Variants in TYR observed in about 807,000 individuals in gnomAD.
TYR encodes tyrosinase, also known as LB24-AB.
Under a neutral mutation model 51.5 loss-of-function variants are expected in TYR, and 58 were observed. The observed-to-expected ratio is 1.13, with a 90% confidence interval of 0.91 to 1.40. TYR has a LOEUF of 1.40. TYR is among the 40% of genes most tolerant of loss of function. The pLI, the probability that TYR is intolerant of heterozygous loss-of-function variation, is 0.00. For missense variants in TYR, 732 were observed against 647.4 expected, an observed-to-expected ratio of 1.13 and a Z score of -1.42; for synonymous variants, 263 against 235.2, an observed-to-expected ratio of 1.12 and a Z score of -1.08.
chr11:89,255,182 G>A (rs1181430542), intron 3 of TYR, among the ~76,000 whole-genome samples: 1 of 151,602 alleles, frequency 6.6e-6, no homozygotes, highest in Non-Finnish European at 1.5e-5. Flanking sequence ...GAGAGTACTT[G>A]ATATAATTTC....
chr11:89,269,593 A>AT (rs1944566357), intron 3 of TYR, among the ~76,000 whole-genome samples: 1 of 151,858 alleles, frequency 6.6e-6, no homozygotes, highest in South Asian at 2.1e-4. Flanking sequence ...TTTTAATCTG[A>AT]TTTTAACTGC....
rs909288166 is a variant in TYR, at chr11:89,185,980, G to C, written c.820-5222G>C. On this transcript the variant is annotated intron_variant, in intron 1 of 4. Coordinates refer to ENST00000263321, the MANE Select transcript of TYR (RefSeq NM_000372.5). ...TACATTCAGAGTCAGCCCCTTTTGA[G>C]TTACTTTTAAAGTCAGAGTCAACAA... Among the ~76,000 whole-genome samples, 15 of 152,176 alleles carry C rather than the reference G, an allele frequency of 9.9e-5. No homozygotes were observed. In the East Asian group the frequency reaches 2.7e-3, roughly 27 times the overall value.
intron 1 of TYR, among the ~76,000 whole-genome samples, chr11:89,179,201 CA>C (rs1943269240): frequency 6.6e-6 from 1 of 152,008 alleles, no homozygotes; most frequent in Non-Finnish European, 1.5e-5. Flanking sequence ...ATATGGTGTA[CA>C]AATTAAAAAT....
chr11:89,260,642 A>C (rs1231752579), intron 3 of TYR, among the ~76,000 whole-genome samples: 1 of 152,194 alleles, frequency 6.6e-6, no homozygotes, highest in African/African-American at 2.4e-5. Flanking sequence ...AGATAACTGC[A>C]TAGATAAATT....
In TYR at chr11:89,210,459, T is replaced by C. The variant is rs952213546; in HGVS notation, c.1037-17364T>C. On this transcript the variant is annotated intron_variant, in intron 2 of 4. Coordinates refer to ENST00000263321, the MANE Select transcript of TYR (RefSeq NM_000372.5). ...AAAGAAACAAAGCCTCCAATAAATA[T>C]GGGACTATTTGAAAAGACCAAACCT... Among the ~76,000 whole-genome samples, 3 of 152,290 alleles carry C rather than the reference T, an allele frequency of 2.0e-5. No homozygotes were observed. In the Middle Eastern group the frequency reaches 0.01, roughly 522 times the overall value.
intron 3 of TYR, among the ~76,000 whole-genome samples, chr11:89,264,327 G>A (rs946825594): frequency 8.6e-5 from 13 of 151,820 alleles, no homozygotes; most frequent in African/African-American, 2.9e-4. Flanking sequence ...AATATTTCAC[G>A]GACTCCAGAT....
intron 3 of TYR, among the ~76,000 whole-genome samples, chr11:89,255,499 T>C (rs1246266099): frequency 4.0e-5 from 6 of 151,800 alleles, no homozygotes; most frequent in African/African-American, 1.4e-4. Flanking sequence ...CTTTCTTAAA[T>C]GTTTGGCAGA....
chr11:89,275,104 G>A (rs113287142), intron 3 of TYR, among the ~76,000 whole-genome samples: 71 of 151,850 alleles, frequency 4.7e-4, no homozygotes, highest in African/African-American at 1.6e-3. Flanking sequence ...AATAAAAAAG[G>A]GTTTAAATTC....
chr11:89,191,151 A>G (rs756833295), intron 1 of TYR, 51 bp from the exon 2 acceptor site: 5 of 1,538,696 alleles, frequency 3.2e-6, no homozygotes, highest in African/African-American at 1.4e-5. Context: ...GCCTTCTCCT[A>G]CTGACTCAGT....
chr11:89,251,089 G>GA (rs1276981473), intron 3 of TYR, among the ~76,000 whole-genome samples: 1 of 151,392 alleles, frequency 6.6e-6, no homozygotes, highest in African/African-American at 2.4e-5. Flanking sequence ...AGAAATGAGA[G>GA]AAAAAACATT....
intron 2 of TYR, among the ~76,000 whole-genome samples, chr11:89,202,418 T>G (rs1943608566): frequency 7.3e-6 from 1 of 137,536 alleles, no homozygotes; most frequent in Non-Finnish European, 1.5e-5. Flanking sequence ...AATGAAGCAG[T>G]TTTTTTTTTA....
At position 89,282,156 on chromosome 11, in the gene TYR, C is replaced by G. The variant is rs183140898; in HGVS notation, c.1185-2617C>G. Among the ~76,000 whole-genome samples the G allele has an allele frequency of 1.3e-3, 191 of 151,850 alleles. 2 individuals carry two copies. Among genetic ancestry groups the G allele is most frequent in the African/African-American group, 4.4e-3 (181 of 41,490 alleles). The stretch of plus-strand genomic sequence containing the variant: ...GGTGCTGAGAATTGATGTCCTTGTC[C>G]TACTTAGGTAAAGAATTTTTATTTC... On this transcript the variant is annotated intron_variant, in intron 3 of 4. Transcript: ENST00000263321.
rs1590891262 is a variant in TYR at position 89,270,426 on chromosome 11, C to T, written c.1185-14347C>T. On this transcript the variant is annotated intron_variant, in intron 3 of 4. Coordinates refer to ENST00000263321, the MANE Select transcript of TYR (RefSeq NM_000372.5). ...GGGCCCTTCTCTGCTGGCATTCACA[C>T]TGTACTGTGCTGAATTATTGACCAG... is the stretch of plus-strand genomic sequence containing the variant. Among the ~76,000 whole-genome samples, 4 of 151,896 alleles carry T rather than the reference C, an allele frequency of 2.6e-5. No homozygotes were observed. The East Asian group carries it at 7.8e-4, about 30-fold the overall frequency.
At chr11:89,223,359 A>G (rs1943937423) in intron 2 of TYR, among the ~76,000 whole-genome samples, 1 of 152,194 alleles carries the variant, frequency 6.6e-6, no homozygotes, top group Non-Finnish European at 1.5e-5. Flanking sequence ...AATCTCAGCC[A>G]GAGAAGCTAC....
At chr11:89,236,220 A>G (rs1944110789) in intron 3 of TYR, among the ~76,000 whole-genome samples, 1 of 134,770 alleles carries the variant, frequency 7.4e-6, no homozygotes, top group Non-Finnish European at 1.6e-5. Context: ...AATTCCATAC[A>G]CACTCACACA....
chr11:89,191,590 A>G (rs1407342791), intron 2 of TYR, among the ~76,000 whole-genome samples, 172 bp downstream of exon 2: 1 of 152,076 alleles, frequency 6.6e-6, no homozygotes, highest in Non-Finnish European at 1.5e-5. Flanking sequence ...AGCACGTTAT[A>G]ATTCAACGTG....
At chr11:89,219,137 G>A (rs1943873994) in intron 2 of TYR, among the ~76,000 whole-genome samples, 1 of 152,080 alleles carries the variant, frequency 6.6e-6, no homozygotes, top group African/African-American at 2.4e-5. Context: ...CTTGCATGCT[G>A]ATGCACACAC....
At chr11:89,221,461 G>A (rs947024046) in intron 2 of TYR, among the ~76,000 whole-genome samples, 1 of 152,234 alleles carries the variant, frequency 6.6e-6, no homozygotes, top group Admixed American at 6.5e-5. Flanking sequence ...CAAACTGGAA[G>A]TTGGTTGAAA....
chr11:89,191,716 T>C (rs1943448864), intron 2 of TYR, among the ~76,000 whole-genome samples: 2 of 152,016 alleles, frequency 1.3e-5, no homozygotes, highest in South Asian at 4.2e-4. Flanking sequence ...GCTATGATTG[T>C]GTCACTGCAT....
Sources: gnomAD v4.1 joint callset for allele counts (sites outside exome capture counted in the v4.1 genomes callset) on GRCh38, gnomAD v4.1.1 for gene constraint, MANE v1.5 for transcripts, NCBI Gene and HGNC (gene_info 2026-07-23, HGNC 2026-07-21) for gene names.